Variants in TMEFF2 observed in about 807,000 individuals in gnomAD.
TMEFF2 encodes the protein transmembrane protein with EGF like and two follistatin like domains 2, also known as tomoregulin-2.
A neutral mutation model predicts 53.8 loss-of-function variants in TMEFF2; 28 were observed. That is an observed-to-expected ratio of 0.52 (90% CI 0.39 to 0.71). The LOEUF (loss-of-function observed/expected upper bound fraction) is 0.71. Among genes scored for constraint, TMEFF2 ranks in the 30% least tolerant of loss-of-function variants. TMEFF2 has a pLI of 0.00. For missense variants in TMEFF2, 353 were observed against 455.2 expected, an observed-to-expected ratio of 0.78 and a Z score of 2.04; for synonymous variants, 162 against 166.3, an observed-to-expected ratio of 0.97 and a Z score of 0.20.
chr2:192,014,795 T>G (rs1686709029), intron 5 of TMEFF2, among the ~76,000 whole-genome samples: 1 of 152,208 alleles, frequency 6.6e-6, no homozygotes, highest in Admixed American at 6.5e-5. Context: ...TTCTGTGGGT[T>G]CAAAAGTTTA....
At chr2:192,140,936 C>G (rs1181914378) in intron 4 of TMEFF2, among the ~76,000 whole-genome samples, 1 of 152,112 alleles carries the variant, frequency 6.6e-6, no homozygotes, top group Non-Finnish European at 1.5e-5. Context: ...AATTCAATAA[C>G]TATTTATGGA....
At chr2:192,114,694 GAAT>G (rs1273061167) in intron 4 of TMEFF2, among the ~76,000 whole-genome samples, 5 of 151,752 alleles carry the variant, frequency 3.3e-5, no homozygotes, top group Non-Finnish European at 5.9e-5. Flanking sequence ...GCATCTAAAA[GAAT>G]AAAATACTTG....
At chr2:191,953,644 C>T in intron 9 of TMEFF2, 35 bp downstream of exon 9, 2 of 1,606,280 alleles carry the variant, frequency 1.2e-6, no homozygotes, top group South Asian at 2.2e-5. Context: ...CAATATATCC[C>T]TTTATTTGGG....
At chr2:192,133,388 C>A (rs942734368) in intron 4 of TMEFF2, among the ~76,000 whole-genome samples, 1 of 152,114 alleles carries the variant, frequency 6.6e-6, no homozygotes, top group Non-Finnish European at 1.5e-5. Flanking sequence ...TCACCCTTAC[C>A]CCACTCAATG....
At chr2:192,036,267 T>G (rs1336863898) in intron 5 of TMEFF2, 2 of 152,164 alleles carry the variant, frequency 1.3e-5, no homozygotes, top group East Asian at 1.9e-4. Flanking sequence ...AGTACCAATG[T>G]GATTGAAGCA....
intron 4 of TMEFF2, among the ~76,000 whole-genome samples, chr2:192,138,961 A>G (rs765012454): frequency 2.6e-5 from 4 of 152,230 alleles, no homozygotes; most frequent in Non-Finnish European, 5.9e-5. Context: ...GAAAGTAAAA[A>G]TTGAAAATCT....
chr2:192,102,072 G>T (rs1430315289), intron 4 of TMEFF2, among the ~76,000 whole-genome samples: 1 of 152,130 alleles, frequency 6.6e-6, no homozygotes, highest in Non-Finnish European at 1.5e-5. Flanking sequence ...GCGTGACTAA[G>T]CTACAAAATT....
chr2:192,063,204 T>G (rs1228224515), intron 4 of TMEFF2, among the ~76,000 whole-genome samples: 1 of 151,996 alleles, frequency 6.6e-6, no homozygotes, highest in African/African-American at 2.4e-5. Flanking sequence ...TTCTAAAGAT[T>G]GCTTTAGTTG....
chr2:192,164,093 C>T (rs1342261918), intron 4 of TMEFF2, among the ~76,000 whole-genome samples: 2 of 152,122 alleles, frequency 1.3e-5, no homozygotes, highest in Non-Finnish European at 2.9e-5. Context: ...ACACAGATGC[C>T]AGAGCAATCT....
At chr2:192,170,439 T>C (rs1400821962) in intron 4 of TMEFF2, among the ~76,000 whole-genome samples, 1 of 151,984 alleles carries the variant, frequency 6.6e-6, no homozygotes, top group Non-Finnish European at 1.5e-5. Context: ...TTTTTGTAGA[T>C]GCAATTATAG....
chr2:192,188,208 A>T (rs1691362609), intron 2 of TMEFF2, among the ~76,000 whole-genome samples: 1 of 152,194 alleles, frequency 6.6e-6, no homozygotes, highest in African/African-American at 2.4e-5. Context: ...TGATTTTAAG[A>T]GCGGACAGGC....
chr2:192,030,619 C>G (rs543344300), intron 5 of TMEFF2: 2 of 152,062 alleles, frequency 1.3e-5, no homozygotes, highest in South Asian at 4.2e-4. Flanking sequence ...AACTGACAAG[C>G]CCATGGATGT....
At chr2:192,034,179 A>AG in intron 5 of TMEFF2, among the ~76,000 whole-genome samples, 1 of 152,016 alleles carries the variant, frequency 6.6e-6, no homozygotes, top group Admixed American at 6.5e-5. Context: ...CATTTCAAAA[A>AG]AAAAAAAAAA....
At chr2:192,146,352 C>T (rs1690250460) in intron 4 of TMEFF2, among the ~76,000 whole-genome samples, 2 of 151,782 alleles carry the variant, frequency 1.3e-5, no homozygotes, top group African/African-American at 4.8e-5. Flanking sequence ...TTAAAATATG[C>T]CAGGAAATGG....
chr2:191,966,932 T>C (rs1692488288), intron 7 of TMEFF2, among the ~76,000 whole-genome samples: 3 of 152,084 alleles, frequency 2.0e-5, no homozygotes, highest in Admixed American at 2.0e-4. Flanking sequence ...TAGCTTTTAC[T>C]CTTCAATAGG....
chr2:192,160,189 A>G (rs893642326), intron 4 of TMEFF2, among the ~76,000 whole-genome samples: 3 of 152,170 alleles, frequency 2.0e-5, no homozygotes, highest in African/African-American at 7.2e-5. Flanking sequence ...AGAGTACTCA[A>G]TAGATTTCAA....
chr2:192,169,944 C>T (rs960684826), intron 4 of TMEFF2, among the ~76,000 whole-genome samples: 13 of 150,444 alleles, frequency 8.6e-5, no homozygotes, highest in Non-Finnish European at 1.9e-4. Flanking sequence ...CAGAATATAA[C>T]CATTTAATAT....
chr2:191,957,926 A>T (rs1243228970), intron 7 of TMEFF2, among the ~76,000 whole-genome samples: 2 of 152,240 alleles, frequency 1.3e-5, no homozygotes, highest in Non-Finnish European at 2.9e-5. Flanking sequence ...AATGTATAGA[A>T]CTTTTTTGGT....
intron 4 of TMEFF2, among the ~76,000 whole-genome samples, chr2:192,153,882 A>G (rs538402734): frequency 6.6e-6 from 1 of 152,072 alleles, no homozygotes; most frequent in South Asian, 2.1e-4. Flanking sequence ...CACAGGTTCA[A>G]TCATTAAATA....
Sources: allele counts gnomAD v4.1 joint callset (sites outside exome capture counted in the v4.1 genomes callset), GRCh38; gene constraint gnomAD v4.1.1; transcripts MANE v1.5; gene names NCBI Gene and HGNC (gene_info 2026-07-23, HGNC 2026-07-21).